ZNF93: variants seen among roughly 807,000 people sequenced by gnomAD.
ZNF93 encodes the protein zinc finger protein 93, also known as zinc finger protein 505.
Under a neutral mutation model 45.0 loss-of-function variants are expected in ZNF93, and 29 were observed. The ratio of observed to expected loss-of-function variants is 0.64; its 90% CI spans 0.48 to 0.88. The LOEUF (loss-of-function observed/expected upper bound fraction) is 0.88. ZNF93 is among the 40% of genes least tolerant of loss of function. ZNF93 has a pLI of 0.00. For missense variants in ZNF93, 578 were observed against 724.0 expected, an observed-to-expected ratio of 0.80 and a Z score of 2.31; for synonymous variants, 223 against 244.6, an observed-to-expected ratio of 0.91 and a Z score of 0.82.
chr19:19,929,557 T>G (rs559006963), intron 3 of ZNF93, among the ~76,000 whole-genome samples: 1 of 152,332 alleles, frequency 6.6e-6, no homozygotes, highest in Non-Finnish European at 1.5e-5. Flanking sequence ...TAGTTATACA[T>G]TCCTGCTAAA....
rs746885329 is a variant in ZNF93 at position 19,934,242 on chromosome 19, A to G, written c.1287A>G (p.Glu429=). 70 of 1,612,274 alleles carry G rather than the reference A, an allele frequency of 4.3e-5. 1 individual carries two copies. In the South Asian group the frequency reaches 7.5e-4, roughly 17 times the overall value. Residue 429 remains glutamate, a synonymous_variant, in exon 4 of 4, where the codon GAA becomes GAG. Coordinates refer to ENST00000343769, the MANE Select transcript of ZNF93 (RefSeq NM_031218.4). ...HTGEKPYKCE[E]CGKAFVASST... ...GAGAGAAACCCTACAAATGTGAAGA[A>G]TGTGGCAAAGCCTTTGTTGCATCCT...
intron 2 of ZNF93, among the ~76,000 whole-genome samples, chr19:19,916,150 T>A (rs1214891167): frequency 6.7e-6 from 1 of 149,498 alleles, no homozygotes; most frequent in Non-Finnish European, 1.5e-5. Flanking sequence ...TACTGCAACC[T>A]CCGACTCCCA....
chr19:19,926,726 G>C (rs974374761), intron 3 of ZNF93, among the ~76,000 whole-genome samples: 3 of 152,004 alleles, frequency 2.0e-5, no homozygotes, highest in Non-Finnish European at 4.4e-5. Flanking sequence ...TAGACAATTT[G>C]TAATTCTGTT....
chr19:19,917,397 A>T (rs1178493184), intron 3 of ZNF93, among the ~76,000 whole-genome samples: 1 of 151,160 alleles, frequency 6.6e-6, no homozygotes, highest in Non-Finnish European at 1.5e-5. Flanking sequence ...TTTTTATTGT[A>T]AAGATTTTTT....
At chr19:19,903,441 ATATTT>A (rs962609358) in intron 1 of ZNF93, among the ~76,000 whole-genome samples, 3 of 152,162 alleles carry the variant, frequency 2.0e-5, no homozygotes, top group African/African-American at 7.2e-5. Context: ...TGATTAGGAA[ATATTT>A]TATTTTAGGC....
Position 19,904,790 on chromosome 19 carries a change from G to C in ZNF93, c.3+3699G>C, listed in dbSNP as rs553703878. On this transcript the variant is annotated intron_variant, in intron 1 of 3. Transcript: ENST00000343769. ...AATTCCAGGTCTTCTCCCAGGGTGA[G>C]AGATGACTGAAAACTTAGAGAAAAT... 2.0e-5 allele frequency among the ~76,000 whole-genome samples: 3 copies of C among 152,226 alleles called. No homozygotes were observed. The East Asian group carries it at 5.8e-4, about 29-fold the overall frequency.
chr19:19,923,412 C>A (rs372491049), intron 3 of ZNF93, among the ~76,000 whole-genome samples: 1 of 152,336 alleles, frequency 6.6e-6, no homozygotes, highest in Non-Finnish European at 1.5e-5. Context: ...GGCAGTCTGT[C>A]TGTTCTCAGA....
rs550471194 is a variant in ZNF93 at position 19,902,709 on chromosome 19, A to G, written c.3+1618A>G. Among the ~76,000 whole-genome samples the G allele has an allele frequency of 2.3e-3, 348 of 151,186 alleles. 2 individuals are homozygous for G. The highest frequency in any genetic ancestry group is 3.4e-3 in the Middle Eastern group (1 of 290). On this transcript the variant is annotated intron_variant, in intron 1 of 3. Transcript: ENST00000343769. ...GGGGCCCCACAAGCAGATGCAGTTA[A>G]GGTTAAGATGAAAGGAAACTGGGAG...
rs541691086 is a variant in ZNF93 at position 19,909,458 on chromosome 19, A to G, written c.4-5822A>G. ...TGAAGATGTGAAAAGTTTATTTGTC[A>G]TTGAATATAAGCAATTAGTATACAC... On this transcript the variant is annotated intron_variant, in intron 1 of 3. Transcript: ENST00000343769. 7.9e-5 allele frequency: 12 copies of G among 152,380 alleles called. No homozygotes were observed. In the East Asian group the frequency reaches 1.2e-3, roughly 15 times the overall value. 9.4% of individuals were successfully genotyped at this position (152,380 alleles called of 1,614,324 possible).
chr19:19,901,564 G>A (rs1476771488), intron 1 of ZNF93, among the ~76,000 whole-genome samples: 1 of 152,130 alleles, frequency 6.6e-6, no homozygotes, highest in Non-Finnish European at 1.5e-5. Flanking sequence ...CACTTGAGGA[G>A]TTGTTAGGGC....
chr19:19,913,352 ATTG>A (rs762771914), intron 1 of ZNF93, among the ~76,000 whole-genome samples: 56 of 152,196 alleles, frequency 3.7e-4, no homozygotes, highest in Admixed American at 3.3e-4. Context: ...GCTTCTGTTT[ATTG>A]TTGTGGGTGG....
chr19:19,923,910 C>T (rs2063348862), intron 3 of ZNF93, among the ~76,000 whole-genome samples: 2 of 152,304 alleles, frequency 1.3e-5, no homozygotes, highest in South Asian at 4.1e-4. Context: ...ACTTGGTGTG[C>T]TGCACCCATT....
At position 19,934,883 on chromosome 19, in the gene ZNF93, GAACTTACTCTGT is replaced by G. The variant is rs1452927663; in HGVS notation, c.*69_*80del. 7.3e-6 allele frequency: 11 copies of G among 1,502,488 alleles called. No homozygotes were observed. In the Admixed American group the frequency reaches 1.1e-4, roughly 15 times the overall value. The allele number at this position is 1,502,488 out of a possible 1,614,324, so 93.1% of individuals were successfully genotyped here. On this transcript the variant is annotated 3_prime_UTR_variant, in exon 4 of 4. Coordinates refer to ENST00000343769, the MANE Select transcript of ZNF93 (RefSeq NM_031218.4). ...CACCTTACTATACACTGAGAGTTCTGAACTTACTCTGTAACCATCCCAAACTCCTCCCAGGCA... is the reference window on the plus strand; with the variant it reads ...CACCTTACTATACACTGAGAGTTCTGAACCATCCCAAACTCCTCCCAGGCA...
intron 1 of ZNF93, among the ~76,000 whole-genome samples, chr19:19,903,618 T>A (rs1360080543): frequency 6.6e-6 from 1 of 151,364 alleles, no homozygotes; most frequent in Admixed American, 6.6e-5. Flanking sequence ...ATACAAAAAT[T>A]AACTCAGCAT....
chr19:19,902,354 G>A (rs1366451778), intron 1 of ZNF93, among the ~76,000 whole-genome samples: 2 of 152,058 alleles, frequency 1.3e-5, no homozygotes, highest in Non-Finnish European at 2.9e-5. Context: ...CACCTCCTGG[G>A]TTCAAGCGAT....
At position 19,933,357 on chromosome 19, in the gene ZNF93, C is replaced by T. The variant is rs562734689; in HGVS notation, c.402C>T (p.Asn134=). ...KVHTGGYNGL[N]QCSTTTQSKV... ...ACACAGGAGGTTATAATGGACTTAA[C>T]CAGTGTAGTACAACTACCCAGAGCA... The change falls in exon 4 of 4, where the codon AAC becomes AAT. Residue 134 remains asparagine, a synonymous_variant. Coordinates refer to ENST00000343769, the MANE Select transcript of ZNF93 (RefSeq NM_031218.4). 1.1e-4 allele frequency: 175 copies of T among 1,608,934 alleles called. No individual in the cohort carries two copies. The highest frequency in any genetic ancestry group is 1.4e-4 in the Non-Finnish European group (167 of 1,177,918).
Position 19,934,228 on chromosome 19 carries a change from T to C in ZNF93, c.1273T>C (p.Tyr425His), listed in dbSNP as rs756305041. ...HKRSHTGEKP[Y>H]KCEECGKAFV... ...GAGAAGTCATACTGGAGAGAAACCC[T>C]ACAAATGTGAAGAATGTGGCAAAGC... The change falls in exon 4 of 4, where the codon TAC becomes CAC. Residue 425 changes from tyrosine to histidine, a missense_variant. Physicochemically the swap from Tyr to His is moderately conservative, Grantham distance 83. Transcript: ENST00000343769. 1 of 1,612,212 alleles carries C rather than the reference T, an allele frequency of 6.2e-7. No homozygotes were observed. Among genetic ancestry groups the C allele is most frequent in the Non-Finnish European group, 8.5e-7 (1 of 1,179,982 alleles).
Position 19,915,354 on chromosome 19 carries a change from G to C in ZNF93, c.78G>C (p.Arg26=), listed in dbSNP as rs150804499. The change falls in exon 2 of 4, where the codon CGG becomes CGC. Residue 26 remains arginine (R), a synonymous_variant. Transcript: ENST00000343769. ...EEWHCLDTAQ[R]NLYRNVMLEN... ...GGCATTGCCTGGACACTGCACAGCGGAATCTATATAGGAATGTGATGTTAG... is the reference window on the plus strand; with the variant it reads ...GGCATTGCCTGGACACTGCACAGCGCAATCTATATAGGAATGTGATGTTAG... 20,493 of 1,614,070 alleles carry C rather than the reference G, an allele frequency of 0.013. 216 individuals are homozygous for C. Among genetic ancestry groups the C allele is most frequent in the South Asian group, 0.032 (2,901 of 91,076 alleles).
chr19:19,913,925 C>T (rs2063316689), intron 1 of ZNF93, among the ~76,000 whole-genome samples: 1 of 152,198 alleles, frequency 6.6e-6, no homozygotes, highest in South Asian at 2.1e-4. Context: ...CAAACCTTTA[C>T]TTCTCTACTT....
Sources: gnomAD v4.1 joint callset for allele counts (sites outside exome capture counted in the v4.1 genomes callset) on GRCh38, gnomAD v4.1.1 for gene constraint, MANE v1.5 for transcripts, NCBI Gene and HGNC (gene_info 2026-07-23, HGNC 2026-07-21) for gene names.